The following KHDRBS2 variants were observed in gnomAD, a reference collection of about 807,000 sequenced individuals.
KHDRBS2 encodes KH RNA binding domain containing, signal transduction associated 2.
In KHDRBS2, 26 loss-of-function variants were observed where a neutral mutation model predicts 44.3. The ratio of observed to expected loss-of-function variants is 0.59; its 90% CI spans 0.43 to 0.81. The LOEUF (loss-of-function observed/expected upper bound fraction) is 0.81, where lower values mean the gene tolerates loss of function less well. Ranked by LOEUF, KHDRBS2 falls within the 40% of genes least tolerant of loss-of-function variation. The pLI, the probability that KHDRBS2 is intolerant of heterozygous loss-of-function variation, is 0.00. For synonymous variants in KHDRBS2, 194 were observed against 151.1 expected, an observed-to-expected ratio of 1.28 and a Z score of -2.08; for missense variants, 476 against 433.1, an observed-to-expected ratio of 1.10 and a Z score of -0.88.
At chr6:61,582,256 T>C in the KHDRBS2 span, among the ~76,000 whole-genome samples, 1,453 of 151,602 alleles carry the variant, frequency 9.6e-3, 31 homozygotes, top group African/African-American at 0.034. Flanking sequence ...AAATAGTTAT[T>C]TAGACTGAAC....
intron 6 of KHDRBS2, among the ~76,000 whole-genome samples, chr6:61,754,618 G>A (rs1446259146): frequency 2.7e-5 from 4 of 147,234 alleles, no homozygotes; most frequent in East Asian, 4.0e-4. Context: ...ACCTTACATA[G>A]GACTTTGCTC....
intron 2 of KHDRBS2, among the ~76,000 whole-genome samples, chr6:62,154,743 C>T (rs1481863560): frequency 6.6e-6 from 1 of 152,154 alleles, no homozygotes; most frequent in Non-Finnish European, 1.5e-5. Context: ...GCTGAAGGAA[C>T]ACCATATTCA....
intron 6 of KHDRBS2, among the ~76,000 whole-genome samples, chr6:61,839,298 C>T (rs1022541996): frequency 9.2e-5 from 14 of 151,450 alleles, no homozygotes; most frequent in African/African-American, 3.4e-4. Flanking sequence ...TCTCTATCTC[C>T]CCACCCCTCT....
At chr6:62,162,419 C>T (rs907300702) in intron 2 of KHDRBS2, among the ~76,000 whole-genome samples, 2 of 152,054 alleles carry the variant, frequency 1.3e-5, no homozygotes, top group Non-Finnish European at 2.9e-5. Flanking sequence ...CTTCTGGTCT[C>T]TATAGTTTCT....
At chr6:62,187,067 T>C (rs758069986) in intron 1 of KHDRBS2, among the ~76,000 whole-genome samples, 1 of 152,150 alleles carries the variant, frequency 6.6e-6, no homozygotes, top group Non-Finnish European at 1.5e-5. Context: ...TTCCACTTTG[T>C]GTGTCAGAGT....
chr6:62,251,650 T>A (rs1237561576), intron 1 of KHDRBS2, among the ~76,000 whole-genome samples: 1 of 151,984 alleles, frequency 6.6e-6, no homozygotes, highest in Non-Finnish European at 1.5e-5. Context: ...ATTGAAGTAG[T>A]ACAATTATCC....
At position 62,177,278 on chromosome 6, in the gene KHDRBS2, CT is replaced by C; in HGVS notation, c.125del (p.Lys42ArgfsTer17). 6.2e-7 allele frequency: 1 copy of C among 1,600,290 alleles called. No homozygotes were observed. Among genetic ancestry groups the C allele is most frequent in the South Asian group, 1.1e-5 (1 of 90,076 alleles). On this transcript the variant is annotated frameshift_variant, in exon 2 of 9. Transcript: ENST00000281156. LOFTEE classifies it high-confidence loss of function. ...IEKFQGSDGK[K>X]EDEEKKYLDV... The stretch of plus-strand genomic sequence containing the variant: ...CAAGATACTTCTTTTCTTCGTCTTC[CT>C]TTTTTCCATCAGAACCTTGAAACTT...
chr6:61,997,458 T>G (rs980771903), intron 3 of KHDRBS2, among the ~76,000 whole-genome samples: 2 of 152,176 alleles, frequency 1.3e-5, no homozygotes, highest in Non-Finnish European at 2.9e-5. Flanking sequence ...TTAATTGAAA[T>G]AACTAAATGC....
At chr6:61,547,840 CA>C in the KHDRBS2 span, among the ~76,000 whole-genome samples, 1 of 152,014 alleles carries the variant, frequency 6.6e-6, no homozygotes. Flanking sequence ...TCTTCTTCCC[CA>C]AAAAGTCCAA....
chr6:61,684,964 G>A (rs114094918), intron 8 of KHDRBS2, among the ~76,000 whole-genome samples: 1,573 of 151,460 alleles, frequency 0.01, 27 homozygotes, highest in African/African-American at 0.036. Flanking sequence ...ATTTATTGAA[G>A]ATCTCCTATA....
At chr6:61,567,469 A>G in the KHDRBS2 span, among the ~76,000 whole-genome samples, 1 of 152,110 alleles carries the variant, frequency 6.6e-6, no homozygotes, top group African/African-American at 2.4e-5. Context: ...CCCTGTCTCT[A>G]CAAAAAAAGT....
the KHDRBS2 span, among the ~76,000 whole-genome samples, chr6:61,609,930 T>C: frequency 4.6e-5 from 7 of 152,292 alleles, no homozygotes; most frequent in East Asian, 1.9e-4. Flanking sequence ...TCCCAGCATT[T>C]TGGGAGGCCA....
chr6:62,246,587 T>A (rs948656428), intron 1 of KHDRBS2, among the ~76,000 whole-genome samples: 2 of 152,048 alleles, frequency 1.3e-5, no homozygotes, highest in African/African-American at 4.8e-5. Context: ...ACATAGGACA[T>A]TTAATCAAAG....
At chr6:62,008,317 T>C (rs1584121322) in intron 3 of KHDRBS2, among the ~76,000 whole-genome samples, 1 of 152,282 alleles carries the variant, frequency 6.6e-6, no homozygotes, top group East Asian at 1.9e-4. Flanking sequence ...TTCCTAGTCA[T>C]GTGACAGTCA....
intron 2 of KHDRBS2, among the ~76,000 whole-genome samples, chr6:62,098,784 G>A (rs1446726928): frequency 6.6e-6 from 1 of 152,070 alleles, no homozygotes; most frequent in African/African-American, 2.4e-5. Flanking sequence ...ATGAAAAGTT[G>A]CTATTTTGAT....
Position 62,122,749 on chromosome 6 carries a change from C to CT in KHDRBS2, c.219+54435dup, listed in dbSNP as rs1260881121. ...ACAGCTGCCGCAGCACTACAGCCCC[C>CT]TTTTAGCCAGTGTCCACTCAGGTGA... On this transcript the variant is annotated intron_variant, in intron 2 of 8. Transcript: ENST00000281156. Among the ~76,000 whole-genome samples the CT allele has an allele frequency of 4.0e-5, 5 of 125,538 alleles. No homozygotes were observed. In the East Asian group the frequency reaches 8.4e-4, roughly 21 times the overall value. The allele number at this position is 125,538 out of a possible 152,430, so 82.4% of individuals were successfully genotyped here.
the KHDRBS2 span, among the ~76,000 whole-genome samples, chr6:61,649,510 T>A: frequency 6.6e-6 from 1 of 152,126 alleles, no homozygotes; most frequent in Non-Finnish European, 1.5e-5. Flanking sequence ...CAGCTTCACA[T>A]CAGTATAAAT....
chr6:62,011,783 A>G (rs1365778302), intron 3 of KHDRBS2, among the ~76,000 whole-genome samples: 2 of 152,168 alleles, frequency 1.3e-5, no homozygotes, highest in East Asian at 1.9e-4. Context: ...TAAGTGCTCA[A>G]TGTAAGCTAT....
chr6:61,900,673 GA>G (rs936905349), intron 5 of KHDRBS2, among the ~76,000 whole-genome samples: 1 of 152,182 alleles, frequency 6.6e-6, no homozygotes, highest in Admixed American at 6.5e-5. Flanking sequence ...AGCCATGCAA[GA>G]AGTGTTCTGG....
Sources: allele counts gnomAD v4.1 joint callset (sites outside exome capture counted in the v4.1 genomes callset), GRCh38; gene constraint gnomAD v4.1.1; transcripts MANE v1.5; gene names NCBI Gene and HGNC (gene_info 2026-07-23, HGNC 2026-07-21).